Variants in DOCK3 observed in about 807,000 individuals in gnomAD.
DOCK3 encodes dedicator of cytokinesis protein 3.
A neutral mutation model predicts 265.6 loss-of-function variants in DOCK3; 60 were observed. The observed-to-expected ratio is 0.23, with a 90% CI of 0.18 to 0.28. DOCK3 has a LOEUF of 0.28. DOCK3 is among the 10% of genes least tolerant of loss of function. DOCK3 has a pLI of 1.00. For synonymous variants in DOCK3, 881 were observed against 938.0 expected, an observed-to-expected ratio of 0.94 and a Z score of 1.11; for missense variants, 1,981 against 2,594.3, an observed-to-expected ratio of 0.76 and a Z score of 5.14.
intron 3 of DOCK3, among the ~76,000 whole-genome samples, chr3:50,860,582 T>TG (rs1455394657): frequency 6.6e-6 from 1 of 152,132 alleles, no homozygotes; most frequent in Non-Finnish European, 1.5e-5. Context: ...TGAGGAGTAA[T>TG]GGGTCAGGAC....
chr3:50,694,231 C>T (rs1368574090), intron 1 of DOCK3, among the ~76,000 whole-genome samples: 3 of 151,762 alleles, frequency 2.0e-5, no homozygotes, highest in Non-Finnish European at 2.9e-5. Context: ...GATTGCGCCA[C>T]TGCACACCAG....
intron 51 of DOCK3, 96 bp downstream of exon 51, chr3:51,375,931 C>T: frequency 1.6e-6 from 2 of 1,252,186 alleles, no homozygotes; most frequent in Non-Finnish European, 1.2e-6. Flanking sequence ...CTAAGCCATA[C>T]TTCAACACTC....
intron 1 of DOCK3, among the ~76,000 whole-genome samples, chr3:50,742,140 C>G (rs1164362702): frequency 6.6e-6 from 1 of 152,158 alleles, no homozygotes; most frequent in East Asian, 1.9e-4. Context: ...AGGGTCCTGT[C>G]TGTTAGAAGG....
In DOCK3 at chr3:50,970,941, ATATATAATG is replaced by A. The variant is rs1559878776; in HGVS notation, c.315+36866_315+36874del. ...TATATATATATATATATATATATAT[ATATATAATG>A]TGTGTGTGTGTGTGTGTATATATAT... On this transcript the variant is annotated intron_variant, in intron 5 of 52. Transcript: ENST00000266037. Among the ~76,000 whole-genome samples the A allele has an allele frequency of 1.3e-3, 94 of 71,646 alleles. 3 individuals carry two copies. The highest frequency in any genetic ancestry group is 5.8e-3 in the African/African-American group (94 of 16,150). 47.0% of individuals were successfully genotyped at this position (71,646 alleles called of 152,430 possible). A position where few individuals can be genotyped will look rare whatever the true frequency, so the allele number is the denominator to read the frequency against.
intron 1 of DOCK3, among the ~76,000 whole-genome samples, chr3:50,680,252 C>T (rs2034297440): frequency 6.8e-6 from 1 of 147,672 alleles, no homozygotes; most frequent in South Asian, 2.1e-4. Flanking sequence ...TGCCGTGATG[C>T]CCAGGTTGGA....
chr3:51,250,268 A>AT (rs1491366588), intron 22 of DOCK3, among the ~76,000 whole-genome samples: 93 of 22,682 alleles, frequency 4.1e-3, no homozygotes, highest in Non-Finnish European at 6.4e-3. Context: ...AGAATGATCA[A>AT]TAAAAAAAAA....
chr3:50,687,326 AGTT>A (rs1422629977), intron 1 of DOCK3, among the ~76,000 whole-genome samples: 7 of 152,292 alleles, frequency 4.6e-5, no homozygotes, highest in African/African-American at 1.7e-4. Flanking sequence ...ATTTGAACAC[AGTT>A]GTTGTTCTCC....
intron 9 of DOCK3, among the ~76,000 whole-genome samples, chr3:51,091,058 C>T (rs1208524970): frequency 1.3e-5 from 2 of 152,172 alleles, no homozygotes; most frequent in Non-Finnish European, 2.9e-5. Context: ...TATTAATACA[C>T]TATGCTTTAC....
rs558777834 is a variant in DOCK3, at chr3:51,204,937, G to A, written c.1038-3837G>A. ...AAGAACAAAAAACCAAACACCGCATGTTCTCACTCATAGGTGGGAATTGAA... is the reference window on the plus strand; with the variant it reads ...AAGAACAAAAAACCAAACACCGCATATTCTCACTCATAGGTGGGAATTGAA... On this transcript the variant is annotated intron_variant, in intron 12 of 52. Coordinates refer to ENST00000266037, the MANE Select transcript of DOCK3 (RefSeq NM_004947.5). 3.6e-3 allele frequency among the ~76,000 whole-genome samples: 538 copies of A among 151,082 alleles called. 7 individuals are homozygous for A. Among genetic ancestry groups the A allele is most frequent in the East Asian group, 0.019 (97 of 5,110 alleles).
At chr3:51,278,245 T>G in intron 26 of DOCK3, 1 of 985,356 alleles carries the variant, frequency 1.0e-6, no homozygotes, top group Non-Finnish European at 1.2e-6. Context: ...TGAGGTAAAT[T>G]TCACTGGCAT....
intron 4 of DOCK3, among the ~76,000 whole-genome samples, chr3:50,902,480 A>T (rs1399468409): frequency 6.6e-6 from 1 of 152,224 alleles, no homozygotes; most frequent in Non-Finnish European, 1.5e-5. Context: ...GTCAAAGATC[A>T]GATGGCTGTA....
rs773184564 is a variant in DOCK3 at position 51,237,596 on chromosome 3, T to C, written c.2102+6T>C. 1 of 1,610,004 alleles carries C rather than the reference T, an allele frequency of 6.2e-7. No individual in the cohort carries two copies. The highest frequency in any genetic ancestry group is 8.5e-7 in the Non-Finnish European group (1 of 1,177,266). ...GCTGGAGCTCTGGCATACAAGTAAG[T>C]TCCATTTGGTATCATCATTAGGACT... On this transcript the variant is annotated splice_donor_region_variant and intron_variant, in intron 21 of 52. Coordinates refer to ENST00000266037, the MANE Select transcript of DOCK3 (RefSeq NM_004947.5).
chr3:51,075,567 G>A (rs2082029975), intron 7 of DOCK3, 127 bp downstream of exon 7: 1 of 708,172 alleles, frequency 1.4e-6, no homozygotes, highest in Non-Finnish European at 2.3e-6. Context: ...GTGTATTTAA[G>A]TGATATTCTG....
Position 50,778,723 on chromosome 3 carries a change from T to C in DOCK3, c.86T>C (p.Ile29Thr), listed in dbSNP as rs1380797414. The change falls in exon 2 of 53, where the codon ATA (isoleucine) becomes ACA (threonine). Residue 29 changes from isoleucine (I) to threonine (T), a missense_variant. This residue lies in a region of DOCK3 where 456 missense variants were observed against 539.0 expected (regional missense o/e 0.85). Transcript: ENST00000266037. Reference sequence around the variant, plus strand: ...GTCCCTCAAGGGTTGGTCTTAGAAATAGGAGAAACAGTCCAGATTCTTGAA... The same window carrying C: ...GTCCCTCAAGGGTTGGTCTTAGAAACAGGAGAAACAGTCCAGATTCTTGAA... Reference protein sequence around the residue: ...GSVPQGLVLEIGETVQILEKC... With the variant: ...GSVPQGLVLETGETVQILEKC... 2 of 1,588,204 alleles carry C rather than the reference T, an allele frequency of 1.3e-6. No homozygotes were observed. The highest frequency in any genetic ancestry group is 1.3e-5 in the African/African-American group (1 of 74,526).
intron 3 of DOCK3, among the ~76,000 whole-genome samples, chr3:50,865,515 G>T (rs1393585881): frequency 6.6e-6 from 1 of 152,174 alleles, no homozygotes; most frequent in Non-Finnish European, 1.5e-5. Context: ...GTACTCCATT[G>T]TATATGTGTA....
intron 3 of DOCK3, among the ~76,000 whole-genome samples, chr3:50,885,631 C>T (rs549116715): frequency 1.4e-4 from 22 of 152,200 alleles, no homozygotes; most frequent in African/African-American, 1.9e-4. Flanking sequence ...AGAAGGCTGA[C>T]GGAGGGAGTC....
At chr3:50,753,100 G>T (rs1047962776) in intron 1 of DOCK3, among the ~76,000 whole-genome samples, 7 of 152,074 alleles carry the variant, frequency 4.6e-5, no homozygotes, top group African/African-American at 1.7e-4. Context: ...ACGTTTTTTT[G>T]ATGAAATTCA....
intron 5 of DOCK3, among the ~76,000 whole-genome samples, chr3:51,034,445 A>G (rs2080176973): frequency 6.6e-6 from 1 of 152,002 alleles, no homozygotes; most frequent in East Asian, 1.9e-4. Context: ...ATAGCTTTTT[A>G]TAGTCTACTT....
chr3:51,162,970 A>G (rs2086209726), intron 12 of DOCK3, among the ~76,000 whole-genome samples: 1 of 152,240 alleles, frequency 6.6e-6, no homozygotes, highest in African/African-American at 2.4e-5. Flanking sequence ...CAAGCAGACT[A>G]TCAAATGCAT....
Sources: gnomAD v4.1 joint callset for allele counts (sites outside exome capture counted in the v4.1 genomes callset) on GRCh38, gnomAD v4.1.1 for gene constraint, gnomAD v4.1.1 regional missense constraint, MANE v1.5 for transcripts, NCBI Gene and HGNC (gene_info 2026-07-23, HGNC 2026-07-21) for gene names.